AIG1: variants seen among roughly 807,000 people sequenced by gnomAD.
AIG1 encodes the protein androgen induced 1.
AIG1 carries 23 observed loss-of-function variants against 31.4 expected under a neutral mutation model. That is an observed-to-expected ratio of 0.73 (90% CI 0.53 to 1.04). AIG1 has a LOEUF of 1.04. Among genes scored for constraint, AIG1 ranks in the 50% least tolerant of loss-of-function variants. The pLI is 0.00. For missense variants in AIG1, 274 were observed against 295.0 expected (o/e 0.93, Z 0.52); for synonymous variants, 100 against 110.5 (o/e 0.90, Z 0.60).
At chr6:143,290,734 G>A (rs1798005998) in intron 4 of AIG1, among the ~76,000 whole-genome samples, 1 of 152,138 alleles carries the variant, frequency 6.6e-6, no homozygotes. Context: ...CCTGATGGTT[G>A]CCTGACATTC....
chr6:143,129,647 C>T (rs1200947946), intron 1 of AIG1, among the ~76,000 whole-genome samples: 1 of 152,098 alleles, frequency 6.6e-6, no homozygotes, highest in African/African-American at 2.4e-5. Flanking sequence ...TCCTAGAATT[C>T]GAGATTCTGT....
chr6:143,099,045 T>C (rs1354697818), intron 1 of AIG1, among the ~76,000 whole-genome samples: 1 of 152,232 alleles, frequency 6.6e-6, no homozygotes, highest in Non-Finnish European at 1.5e-5. Context: ...ATAATAATTT[T>C]AACTTTAACT....
intron 3 of AIG1, among the ~76,000 whole-genome samples, chr6:143,225,866 A>G (rs1583559179): frequency 6.6e-6 from 1 of 152,180 alleles, no homozygotes; most frequent in Non-Finnish European, 1.5e-5. Flanking sequence ...ATATATTTTA[A>G]TGTAAGATGG....
At chr6:143,226,950 A>G (rs1793007544) in intron 3 of AIG1, among the ~76,000 whole-genome samples, 1 of 151,338 alleles carries the variant, frequency 6.6e-6, no homozygotes, top group African/African-American at 2.4e-5. Context: ...ACCCAACACA[A>G]ATTTATAAAC....
Position 143,333,252 on chromosome 6 carries a change from G to A in AIG1, c.516-30G>A, listed in dbSNP as rs1199565564. ...GATGCCTGCCATAAGAGTGACTCCT[G>A]TCCTTGTCTCCTTTCCGATTCTTTT... On this transcript the variant is annotated intron_variant, in intron 4 of 5. Transcript: ENST00000357847. This position sits in a 1 kb window ranked among gnomAD's most constrained non-coding sequence, Gnocchi z 4.6. 2.5e-6 allele frequency: 4 copies of A among 1,587,482 alleles called. No individual in the cohort carries two copies. The highest frequency in any genetic ancestry group is 2.3e-5 in the South Asian group (2 of 86,448).
intron 3 of AIG1, among the ~76,000 whole-genome samples, chr6:143,169,354 G>A (rs1260216577): frequency 6.6e-6 from 1 of 152,036 alleles, no homozygotes; most frequent in Non-Finnish European, 1.5e-5. Flanking sequence ...AGGGTACAGA[G>A]TGATATTTCA....
chr6:143,228,469 C>A (rs966490038), intron 3 of AIG1, among the ~76,000 whole-genome samples: 1 of 152,222 alleles, frequency 6.6e-6, no homozygotes, highest in Non-Finnish European at 1.5e-5. Context: ...GGACAGGCAC[C>A]ATGACTGCCA....
In AIG1 at chr6:143,284,096, C is replaced by G; in HGVS notation, c.400-14C>G. On this transcript the variant is annotated splice_polypyrimidine_tract_variant and intron_variant, in intron 3 of 5. Transcript: ENST00000357847. The surrounding 1 kb of genome is among the most constrained non-coding windows in gnomAD (Gnocchi z 4.4). The stretch of plus-strand genomic sequence containing the variant: ...GATAGCAATCTGTGTCACCTAGTCT[C>G]TGTTATTTTCCAGCACACGACGGTT... 1.3e-6 allele frequency: 2 copies of G among 1,589,620 alleles called. No homozygotes were observed. Among genetic ancestry groups the G allele is most frequent in the Non-Finnish European group, 1.7e-6 (2 of 1,158,354 alleles).
downstream of AIG1, chr6:143,343,132 G>T (rs1364463667): frequency 2.6e-6 from 2 of 758,320 alleles, no homozygotes; most frequent in Non-Finnish European, 4.9e-6. Flanking sequence ...AGGGAGGCTT[G>T]CCATTATTTA....
intron 4 of AIG1, among the ~76,000 whole-genome samples, chr6:143,305,926 A>G (rs539853399): frequency 2.0e-5 from 3 of 152,276 alleles, no homozygotes; most frequent in African/African-American, 4.8e-5. Flanking sequence ...GGGTGCATAT[A>G]TATTTAGTAT....
At chr6:143,227,977 T>C (rs1309890527) in intron 3 of AIG1, among the ~76,000 whole-genome samples, 1 of 152,200 alleles carries the variant, frequency 6.6e-6, no homozygotes, top group Non-Finnish European at 1.5e-5. Context: ...CTTTCTATTT[T>C]ATCTTTCTCT....
chr6:143,128,916 T>A (rs1277400566), intron 1 of AIG1, among the ~76,000 whole-genome samples: 2 of 152,234 alleles, frequency 1.3e-5, no homozygotes, highest in African/African-American at 4.8e-5. Flanking sequence ...TTAGAGATTA[T>A]CTTTTGAGGA....
intron 3 of AIG1, among the ~76,000 whole-genome samples, chr6:143,267,492 C>T (rs1796236595): frequency 6.6e-6 from 1 of 152,164 alleles, no homozygotes; most frequent in Non-Finnish European, 1.5e-5. Flanking sequence ...CAGGAACTGG[C>T]CATTATATCT....
At chr6:143,199,655 A>G (rs1278193061) in intron 3 of AIG1, among the ~76,000 whole-genome samples, 5 of 152,200 alleles carry the variant, frequency 3.3e-5, no homozygotes, top group Non-Finnish European at 7.3e-5. Flanking sequence ...TCATCTAAAT[A>G]ATTCATTAAC....
At chr6:143,312,329 A>T (rs61248274) in intron 4 of AIG1, among the ~76,000 whole-genome samples, 1 of 150,814 alleles carries the variant, frequency 6.6e-6, no homozygotes, top group Non-Finnish European at 1.5e-5. Context: ...AGATATATTA[A>T]TGAAAACAGC....
intron 3 of AIG1, chr6:143,189,133 TG>T (rs1789550894): frequency 1.6e-6 from 1 of 619,158 alleles, no homozygotes; most frequent in African/African-American, 2.0e-5. Context: ...ACCCTTAAAC[TG>T]CAGGGCTCAA....
chr6:143,105,040 A>T (rs1485592412), intron 1 of AIG1, among the ~76,000 whole-genome samples: 1 of 152,240 alleles, frequency 6.6e-6, no homozygotes, highest in African/African-American at 2.4e-5. Context: ...GTAAGGTAAG[A>T]TCTCATGATT....
intron 3 of AIG1, among the ~76,000 whole-genome samples, chr6:143,205,178 T>G (rs1791017188): frequency 1.3e-5 from 2 of 152,206 alleles, no homozygotes; most frequent in African/African-American, 2.4e-5. Context: ...TCTATGTGCC[T>G]TATTCCCAGT....
At chr6:143,253,782 T>G (rs765506598) in intron 3 of AIG1, among the ~76,000 whole-genome samples, 2 of 152,202 alleles carry the variant, frequency 1.3e-5, no homozygotes, top group Non-Finnish European at 2.9e-5. Context: ...AAACAGAAAC[T>G]TCCACTCCAA....
Sources: gnomAD v4.1 joint callset for allele counts (sites outside exome capture counted in the v4.1 genomes callset) on GRCh38, gnomAD v4.1.1 for gene constraint, Gnocchi (gnomAD v3.1) non-coding constraint, MANE v1.5 for transcripts, NCBI Gene and HGNC (gene_info 2026-07-23, HGNC 2026-07-21) for gene names.